TXNDC11: variants seen among roughly 807,000 people sequenced by gnomAD.
The protein encoded by TXNDC11 is thioredoxin domain containing 11.
In TXNDC11, 68 loss-of-function variants were observed where a neutral mutation model predicts 78.0. That is an observed-to-expected ratio of 0.87 (90% CI 0.72 to 1.07). The LOEUF (loss-of-function observed/expected upper bound fraction) is 1.07, where lower values mean the gene tolerates loss of function less well. TXNDC11 is among the 50% of genes least tolerant of loss of function. TXNDC11 has a pLI of 0.00. For synonymous variants in TXNDC11, 571 were observed against 495.2 expected (o/e 1.15, Z -2.03); for missense variants, 1,389 against 1,221.8 (o/e 1.14, Z -2.04).
chr16:11,694,487 G>T (rs1444659238), intron 7 of TXNDC11, among the ~76,000 whole-genome samples: 1 of 151,284 alleles, frequency 6.6e-6, no homozygotes, highest in Non-Finnish European at 1.5e-5. Flanking sequence ...TGCTCCAGTT[G>T]CACAGGCTAG....
Position 11,687,807 on chromosome 16 carries a change from G to A in TXNDC11, c.2153+50C>T, listed in dbSNP as rs199798059. The stretch of plus-strand genomic sequence containing the variant: ...CACCATATGGCTAAGCTGCAAATAA[G>A]AGTGAAAATGGGCATACAGCCCAAA... On this transcript the variant is annotated intron_variant, in intron 10 of 11. Transcript: ENST00000283033. 876 of 1,240,166 alleles carry A rather than the reference G, an allele frequency of 7.1e-4. 2 individuals are homozygous for A. Among genetic ancestry groups the A allele is most frequent in the East Asian group, 4.8e-3 (199 of 41,770 alleles). 76.8% of individuals were successfully genotyped at this position (1,240,166 alleles called of 1,614,324 possible). A position where few individuals can be genotyped will look rare whatever the true frequency, so the allele number is the denominator to read the frequency against.
rs1400445232 is a variant in TXNDC11, at chr16:11,688,373, T to A, written c.1973A>T (p.Gln658Leu). ...AGTGATTAAATGCTGAGACGGGAAC[T>A]GGGCAGAGCCACTTCCAATGAGATG... The part of the protein sequence containing the change: ...KRHLIGSGSA[Q>L]FPSQHLITEV... The change falls in exon 9 of 12, where the codon CAG (glutamine) becomes CTG (leucine). Residue 658 changes from glutamine to leucine, a missense_variant. Physicochemically the swap from Gln to Leu is moderately radical, Grantham distance 113 (BLOSUM62 -2). Transcript: ENST00000283033. 1 of 1,614,164 alleles carries A rather than the reference T, an allele frequency of 6.2e-7. No individual in the cohort carries two copies. Among genetic ancestry groups the A allele is most frequent in the Non-Finnish European group, 8.5e-7 (1 of 1,180,010 alleles).
chr16:11,713,061 C>T (rs891445319), intron 5 of TXNDC11, among the ~76,000 whole-genome samples: 5 of 146,588 alleles, frequency 3.4e-5, no homozygotes, highest in Non-Finnish European at 7.4e-5. Context: ...GAGTCAAGAT[C>T]GTGCCATTGC....
chr16:11,721,697 A>C, intron 4 of TXNDC11, 27 bp from the exon 5 acceptor site: 1 of 1,409,810 alleles, frequency 7.1e-7, no homozygotes, highest in South Asian at 1.2e-5. Flanking sequence ...AGAATTAGGT[A>C]ACTGAGGCAC....
chr16:11,695,954 G>C (rs773144526), intron 7 of TXNDC11, among the ~76,000 whole-genome samples: 3 of 151,316 alleles, frequency 2.0e-5, no homozygotes, highest in Non-Finnish European at 2.9e-5. Flanking sequence ...AGGATCACCC[G>C]AGCTCAGGAG....
At chr16:11,719,533 T>C (rs955075098) in intron 5 of TXNDC11, among the ~76,000 whole-genome samples, 1 of 152,210 alleles carries the variant, frequency 6.6e-6, no homozygotes, top group Non-Finnish European at 1.5e-5. Context: ...GCCAGTCATA[T>C]AATTGTTTCA....
chr16:11,714,052 T>G (rs1215682437), intron 5 of TXNDC11, among the ~76,000 whole-genome samples: 1 of 151,896 alleles, frequency 6.6e-6, no homozygotes, highest in East Asian at 1.9e-4. Context: ...TCAGATTTTT[T>G]TTTTTTGAGA....
In TXNDC11 at chr16:11,702,063, T is replaced by C. The variant is rs191082638; in HGVS notation, c.794-1499A>G. Among the ~76,000 whole-genome samples, 193 of 138,124 alleles carry C rather than the reference T, an allele frequency of 1.4e-3. 1 individual carries two copies. Among genetic ancestry groups the C allele is most frequent in the Admixed American group, 3.2e-3 (46 of 14,466 alleles). 90.6% of individuals were successfully genotyped at this position (138,124 alleles called of 152,430 possible). A position where few individuals can be genotyped will look rare whatever the true frequency, so the allele number is the denominator to read the frequency against. ...CTCACACTTATAAAAGTTATGTGTG[T>C]GTATGTGTGTGTGTGTATGTATGTA... is the stretch of plus-strand genomic sequence containing the variant. On this transcript the variant is annotated intron_variant, in intron 5 of 11. Transcript: ENST00000283033.
rs373887984 is a variant in TXNDC11 at position 11,742,714 on chromosome 16, C to T, written c.17G>A (p.Gly6Asp). Residue 6 changes from glycine (G) to aspartate (D), a missense_variant, in exon 1 of 12, where the codon GGC becomes GAC. Coordinates refer to ENST00000283033, the MANE Select transcript of TXNDC11 (RefSeq NM_015914.7). ...GCTGCTGCTGCTGCCGCCGCCGCGGCCTCCGCATTCCGACATTACATGCTC... is the reference window on the plus strand; with the variant it reads ...GCTGCTGCTGCTGCCGCCGCCGCGGTCTCCGCATTCCGACATTACATGCTC... MSECG[G>D]RGGGSSSSED... The T allele has an allele frequency of 3.5e-5, 52 of 1,482,758 alleles. No individual in the cohort carries two copies. In the East Asian group the frequency reaches 1.2e-3, roughly 35 times the overall value. The allele number at this position is 1,482,758 out of a possible 1,614,324, so 91.9% of individuals were successfully genotyped here.
At position 11,679,366 on chromosome 16, in the gene TXNDC11, C is replaced by T. The variant is rs143228508; in HGVS notation, c.2706G>A (p.Glu902=). 2 of 1,611,556 alleles carry T rather than the reference C, an allele frequency of 1.2e-6. No homozygotes were observed. Among genetic ancestry groups the T allele is most frequent in the South Asian group, 1.1e-5 (1 of 90,944 alleles). The change falls in exon 12 of 12, where the codon GAG becomes GAA. Residue 902 remains glutamate (E), a synonymous_variant. Coordinates refer to ENST00000283033, the MANE Select transcript of TXNDC11 (RefSeq NM_015914.7). The surrounding 1 kb of genome is among the most constrained non-coding windows in gnomAD (Gnocchi z 4.6). ...CTCCATCCCTGCCCTCCAGTTTCCT[C>T]TCCATGGTCGCCACCAGGATCTTGA... The part of the protein sequence containing the change: ...TWLKILVATM[E]RKLEGRDGAE...
chr16:11,686,703 C>T (rs1157475985), intron 10 of TXNDC11, among the ~76,000 whole-genome samples: 1 of 152,164 alleles, frequency 6.6e-6, no homozygotes, highest in Non-Finnish European at 1.5e-5. Flanking sequence ...GTTATAATTT[C>T]CCCACTTGTT....
Position 11,679,424 on chromosome 16 carries a change from G to T in TXNDC11, c.2648C>A (p.Ala883Asp). The change falls in exon 12 of 12, where the codon GCC becomes GAC. Residue 883 changes from alanine to aspartate, a missense_variant. Coordinates refer to ENST00000283033, the MANE Select transcript of TXNDC11 (RefSeq NM_015914.7). The surrounding 1 kb of genome is among the most constrained non-coding windows in gnomAD (Gnocchi z 4.6). ...GTTCTCGGTAAGGAGGTTTTCTGAG[G>T]CATCGGCCAGCTCCTGCAGCTTGCG... ...LARKLQELAD[A>D]SENLLTENTW... The T allele has an allele frequency of 6.2e-7, 1 of 1,613,496 alleles. No individual in the cohort carries two copies. Among genetic ancestry groups the T allele is most frequent in the Non-Finnish European group, 8.5e-7 (1 of 1,179,874 alleles).
chr16:11,732,478 C>G (rs563731884), intron 3 of TXNDC11, among the ~76,000 whole-genome samples: 1 of 152,288 alleles, frequency 6.6e-6, no homozygotes, highest in East Asian at 1.9e-4. Flanking sequence ...AAAACAAAAA[C>G]AGTAACTCTG....
chr16:11,715,792 G>C (rs1297125355), intron 5 of TXNDC11, among the ~76,000 whole-genome samples: 1 of 152,176 alleles, frequency 6.6e-6, no homozygotes, highest in Non-Finnish European at 1.5e-5. Flanking sequence ...GAAGCAGGTA[G>C]GAGGTGCACG....
chr16:11,721,999 G>A (rs532555648), intron 4 of TXNDC11, among the ~76,000 whole-genome samples: 1 of 152,164 alleles, frequency 6.6e-6, no homozygotes, highest in South Asian at 2.1e-4. Context: ...AATTCTCCCA[G>A]GCTCAAAACT....
At chr16:11,715,758 G>A (rs1316813016) in intron 5 of TXNDC11, among the ~76,000 whole-genome samples, 1 of 152,134 alleles carries the variant, frequency 6.6e-6, no homozygotes, top group African/African-American at 2.4e-5. Flanking sequence ...CATTGGACAG[G>A]GAGAAAACCA....
chr16:11,742,664 CCCCT>C lies in TXNDC11; in HGVS notation c.63_66del (p.Gly22AlafsTer68). On this transcript the variant is annotated frameshift_variant, in exon 1 of 12. Coordinates refer to ENST00000283033, the MANE Select transcript of TXNDC11 (RefSeq NM_015914.7). LOFTEE classifies it high-confidence loss of function. Reference sequence around the variant, plus strand: ...TCTGAGCCCGCGGGGCCGCCGCCGCCCCCTCCCTCGTCCTCGGCGTCCTCGCTGC... The same window carrying C: ...TCTGAGCCCGCGGGGCCGCCGCCGCCCCCTCGTCCTCGGCGTCCTCGCTGC... 1 of 1,468,498 alleles carries C rather than the reference CCCCT, an allele frequency of 6.8e-7. No individual in the cohort carries two copies. The highest frequency in any genetic ancestry group is 9.0e-7 in the Non-Finnish European group (1 of 1,116,786). 91.0% of individuals were successfully genotyped at this position (1,468,498 alleles called of 1,614,324 possible).
chr16:11,693,386 A>G (rs1022017110), intron 7 of TXNDC11, among the ~76,000 whole-genome samples: 2 of 152,210 alleles, frequency 1.3e-5, no homozygotes, highest in Admixed American at 6.5e-5. Context: ...CTAAAACAGA[A>G]GAGTCTGTCA....
chr16:11,707,949 T>C (rs1245365161), intron 5 of TXNDC11, among the ~76,000 whole-genome samples: 1 of 151,802 alleles, frequency 6.6e-6, no homozygotes, highest in Non-Finnish European at 1.5e-5. Context: ...CTGAGCGTGA[T>C]GATGTAAGCC....
Sources: allele counts gnomAD v4.1 joint callset (sites outside exome capture counted in the v4.1 genomes callset), GRCh38; gene constraint gnomAD v4.1.1; non-coding constraint Gnocchi (gnomAD v3.1); transcripts MANE v1.5; gene names NCBI Gene and HGNC (gene_info 2026-07-23, HGNC 2026-07-21).